KAZN: variants seen among roughly 807,000 people sequenced by gnomAD.
KAZN encodes kazrin.
In KAZN, 40 loss-of-function variants were observed where a neutral mutation model predicts 87.4. The observed-to-expected ratio is 0.46, with a 90% CI of 0.36 to 0.60. The LOEUF (loss-of-function observed/expected upper bound fraction) is 0.60, where lower values mean the gene tolerates loss of function less well. KAZN is among the 20% of genes least tolerant of loss of function. The probability of loss-of-function intolerance (pLI) is 0.00; values close to 1 mark genes in which losing one functional copy is unlikely to be tolerated. For missense variants in KAZN, 898 were observed against 1,073.9 expected (o/e 0.84, Z 2.29); for synonymous variants, 466 against 458.3 (o/e 1.02, Z -0.22).
intron 1 of KAZN, among the ~76,000 whole-genome samples, chr1:14,867,735 C>T (rs947382956): frequency 8.2e-6 from 1 of 121,458 alleles, no homozygotes; most frequent in Admixed American, 8.0e-5. Context: ...CCCCCCCCCC[C>T]ACCCTGGGCA....
At chr1:13,960,346 A>T (rs1422084860) in intron 1 of KAZN, among the ~76,000 whole-genome samples, 1 of 152,124 alleles carries the variant, frequency 6.6e-6, no homozygotes, top group Admixed American at 6.5e-5. Context: ...TGGGATTCTA[A>T]CCCGGACAGC....
At chr1:14,115,217 A>G (rs1016219733) in intron 1 of KAZN, among the ~76,000 whole-genome samples, 2 of 152,206 alleles carry the variant, frequency 1.3e-5, no homozygotes, top group African/African-American at 2.4e-5. Flanking sequence ...TGGCAGAGAG[A>G]TACAACAATG....
chr1:14,892,633 C>T (rs1654836595), intron 1 of KAZN, among the ~76,000 whole-genome samples: 1 of 152,168 alleles, frequency 6.6e-6, no homozygotes, highest in Non-Finnish European at 1.5e-5. Context: ...GTCTCCAGAG[C>T]AAGCTTTCGA....
At chr1:15,003,439 C>A (rs972174535) in intron 2 of KAZN, among the ~76,000 whole-genome samples, 1 of 152,144 alleles carries the variant, frequency 6.6e-6, no homozygotes, top group African/African-American at 2.4e-5. Flanking sequence ...CTACATACGT[C>A]AAAGCTTAGC....
At chr1:14,116,460 C>T (rs1223272402) in intron 1 of KAZN, among the ~76,000 whole-genome samples, 1 of 152,158 alleles carries the variant, frequency 6.6e-6, no homozygotes, top group African/African-American at 2.4e-5. Flanking sequence ...TGATGTTGAG[C>T]CTGCCAGTGC....
intron 1 of KAZN, among the ~76,000 whole-genome samples, chr1:14,922,250 C>T (rs1427375623): frequency 4.6e-5 from 7 of 152,216 alleles, no homozygotes; most frequent in Non-Finnish European, 1.0e-4. Flanking sequence ...TGTTCCCAGG[C>T]AGGTCCCTGA....
chr1:14,028,617 C>T (rs1327781294), intron 1 of KAZN, among the ~76,000 whole-genome samples: 1 of 152,180 alleles, frequency 6.6e-6, no homozygotes, highest in Admixed American at 6.6e-5. Context: ...ACAGGTTTAT[C>T]ATTTCTGCTC....
At chr1:14,175,257 C>T (rs1400514085) in intron 1 of KAZN, among the ~76,000 whole-genome samples, 3 of 152,240 alleles carry the variant, frequency 2.0e-5, no homozygotes, top group Non-Finnish European at 4.4e-5. Context: ...GCGCCTGCCA[C>T]TACGCCTGGC....
At chr1:14,469,229 T>A (rs1372766003) in intron 2 of KAZN, among the ~76,000 whole-genome samples, 1 of 152,016 alleles carries the variant, frequency 6.6e-6, no homozygotes, top group Non-Finnish European at 1.5e-5. Context: ...TAAAAAAAAA[T>A]CTGCTATATT....
intron 1 of KAZN, among the ~76,000 whole-genome samples, chr1:14,867,589 A>G (rs1197530286): frequency 6.6e-6 from 1 of 152,130 alleles, no homozygotes; most frequent in Non-Finnish European, 1.5e-5. Context: ...ATGAAATGAC[A>G]GAGCACGTAG....
At chr1:13,914,655 G>A (rs1032581545) in intron 1 of KAZN, among the ~76,000 whole-genome samples, 4 of 152,184 alleles carry the variant, frequency 2.6e-5, no homozygotes, top group African/African-American at 7.2e-5. Flanking sequence ...GAGAGGGCCC[G>A]GTGGCAAAAC....
chr1:14,408,323 TC>T lies in KAZN; in HGVS notation c.250-190658del, dbSNP rs1295570593. On this transcript the variant is annotated intron_variant, in intron 2 of 16. Transcript: ENST00000636203. ...AAGTCTGTTGTGGGCATAGGGGGAGTCCTTTGAGCATCTGTAGCTTTGGTGT... is the reference window on the plus strand; with the variant it reads ...AAGTCTGTTGTGGGCATAGGGGGAGTCTTTGAGCATCTGTAGCTTTGGTGT... Among the ~76,000 whole-genome samples the T allele has an allele frequency of 2.0e-5, 3 of 151,816 alleles. No individual in the cohort carries two copies. In the East Asian group the frequency reaches 5.8e-4, roughly 29 times the overall value.
intron 2 of KAZN, among the ~76,000 whole-genome samples, chr1:14,230,528 G>A (rs756787352): frequency 3.9e-5 from 6 of 152,106 alleles, no homozygotes; most frequent in South Asian, 2.1e-4. Flanking sequence ...CTTTGAACTC[G>A]GGTCGGAGTC....
At chr1:14,134,738 A>C (rs944186174) in intron 1 of KAZN, among the ~76,000 whole-genome samples, 10 of 152,070 alleles carry the variant, frequency 6.6e-5, no homozygotes, top group African/African-American at 2.4e-4. Flanking sequence ...CCAGGCCTAC[A>C]CTTTCATGGT....
chr1:13,924,956 C>T (rs559223744), intron 1 of KAZN, among the ~76,000 whole-genome samples: 6 of 152,136 alleles, frequency 3.9e-5, no homozygotes, highest in South Asian at 2.1e-4. Flanking sequence ...ACCCATTTGA[C>T]GTGTACAATT....
chr1:14,256,748 G>A (rs1005253202), intron 2 of KAZN, among the ~76,000 whole-genome samples: 4 of 152,098 alleles, frequency 2.6e-5, no homozygotes, highest in South Asian at 2.1e-4. Flanking sequence ...ATTGTCAGCA[G>A]GATTAAATGG....
At chr1:14,995,630 A>T (rs1255331934) in intron 2 of KAZN, among the ~76,000 whole-genome samples, 1 of 150,332 alleles carries the variant, frequency 6.7e-6, no homozygotes. Context: ...CCTCAAATAA[A>T]AAAAAAAAAA....
At chr1:14,133,448 A>T (rs1645042524) in intron 1 of KAZN, among the ~76,000 whole-genome samples, 1 of 150,544 alleles carries the variant, frequency 6.6e-6, no homozygotes, top group African/African-American at 2.4e-5. Context: ...AAAATAGGGG[A>T]ATCTATGTGT....
intron 2 of KAZN, chr1:14,221,800 TAC>T (rs1647105687): frequency 6.6e-6 from 1 of 152,300 alleles, no homozygotes; most frequent in Admixed American, 6.5e-5. Context: ...TTTAAAAAAA[TAC>T]CTCTTAAATA....
Sources: allele counts gnomAD v4.1 joint callset (sites outside exome capture counted in the v4.1 genomes callset), GRCh38; gene constraint gnomAD v4.1.1; transcripts MANE v1.5; gene names NCBI Gene and HGNC (gene_info 2026-07-23, HGNC 2026-07-21).